SUGCT: variants seen among roughly 807,000 people sequenced by gnomAD.
SUGCT encodes the protein succinyl-CoA:glutarate CoA-transferase.
A neutral mutation model predicts 55.0 loss-of-function variants in SUGCT; 41 were observed. The observed-to-expected ratio is 0.74, with a 90% CI of 0.58 to 0.97. The LOEUF is 0.97. Among genes scored for constraint, SUGCT ranks in the 50% least tolerant of loss-of-function variants. The probability of loss-of-function intolerance (pLI) is 0.00; values close to 1 mark genes in which losing one functional copy is unlikely to be tolerated. For missense variants in SUGCT, 568 were observed against 547.8 expected (o/e 1.04, Z -0.37); for synonymous variants, 187 against 200.4 (o/e 0.93, Z 0.56).
intron 8 of SUGCT, among the ~76,000 whole-genome samples, chr7:40,303,617 G>A (rs1794670624): frequency 6.6e-6 from 1 of 152,086 alleles, no homozygotes; most frequent in African/African-American, 2.4e-5. Flanking sequence ...CTGAGTAGAT[G>A]GGATTACAGG....
intron 7 of SUGCT, among the ~76,000 whole-genome samples, chr7:40,263,970 G>A (rs1021678272): frequency 6.6e-6 from 1 of 151,982 alleles, no homozygotes; most frequent in Non-Finnish European, 1.5e-5. Context: ...AAAGCTTCAA[G>A]TCTTTCAGGG....
the SUGCT span, among the ~76,000 whole-genome samples, chr7:40,885,866 T>C: frequency 6.6e-6 from 1 of 152,218 alleles, no homozygotes; most frequent in Non-Finnish European, 1.5e-5. Flanking sequence ...GATGAGAATT[T>C]AAGCTAATGT....
intron 12 of SUGCT, among the ~76,000 whole-genome samples, chr7:40,712,967 C>A (rs1406378568): frequency 4.6e-5 from 7 of 152,240 alleles, no homozygotes; most frequent in Non-Finnish European, 1.0e-4. Context: ...TTCTTACATT[C>A]ACATGGTGGA....
At chr7:40,903,614 A>G in the SUGCT span, among the ~76,000 whole-genome samples, 1 of 152,136 alleles carries the variant, frequency 6.6e-6, no homozygotes, top group Admixed American at 6.5e-5. Context: ...CAACAACAAC[A>G]AAAGCTTCAT....
chr7:40,582,404 T>G (rs1277252018), intron 12 of SUGCT, among the ~76,000 whole-genome samples: 1 of 152,166 alleles, frequency 6.6e-6, no homozygotes, highest in African/African-American at 2.4e-5. Context: ...CAGGCAGAAC[T>G]GAAATGAGTC....
At chr7:40,581,347 A>G (rs368476362) in intron 12 of SUGCT, among the ~76,000 whole-genome samples, 1 of 152,216 alleles carries the variant, frequency 6.6e-6, no homozygotes, top group Admixed American at 6.5e-5. Flanking sequence ...CCTAAGTGAC[A>G]TGTAAGCCAG....
At chr7:40,184,482 C>T (rs183312439) in intron 3 of SUGCT, among the ~76,000 whole-genome samples, 1 of 151,910 alleles carries the variant, frequency 6.6e-6, no homozygotes, top group African/African-American at 2.4e-5. Flanking sequence ...TGAGCCACTG[C>T]ACCCGGCCTT....
intron 9 of SUGCT, among the ~76,000 whole-genome samples, chr7:40,371,177 T>C (rs1006673475): frequency 4.6e-5 from 7 of 152,172 alleles, no homozygotes; most frequent in African/African-American, 1.2e-4. Flanking sequence ...TCCCTCACTT[T>C]CTCTCTTTTT....
chr7:40,908,418 A>G, the SUGCT span, among the ~76,000 whole-genome samples: 1 of 151,574 alleles, frequency 6.6e-6, no homozygotes, highest in Non-Finnish European at 1.5e-5. Context: ...AAGTAGATGA[A>G]GTTTACTAGA....
At chr7:40,922,206 C>T in the SUGCT span, among the ~76,000 whole-genome samples, 2 of 152,152 alleles carry the variant, frequency 1.3e-5, no homozygotes, top group Admixed American at 6.6e-5. Flanking sequence ...ACTATGTCTT[C>T]TAGTGACCCC....
At chr7:40,467,457 T>A (rs986156914) in intron 11 of SUGCT, among the ~76,000 whole-genome samples, 5 of 152,130 alleles carry the variant, frequency 3.3e-5, no homozygotes, top group African/African-American at 4.8e-5. Flanking sequence ...CTAGTTATAC[T>A]CTTTTAGTTA....
At chr7:40,192,887 C>T (rs980487911) in intron 5 of SUGCT, among the ~76,000 whole-genome samples, 2 of 151,576 alleles carry the variant, frequency 1.3e-5, no homozygotes, top group African/African-American at 4.8e-5. Context: ...CCTGCCTCAG[C>T]CTCCCAAAGA....
At chr7:40,152,802 G>T (rs1024137642) in intron 1 of SUGCT, 1 of 152,718 alleles carries the variant, frequency 6.5e-6, no homozygotes, top group Admixed American at 6.6e-5. Flanking sequence ...CCTGGTTCAA[G>T]TGATTCTCCT....
At chr7:40,402,710 C>A (rs1786145937) in intron 9 of SUGCT, among the ~76,000 whole-genome samples, 1 of 151,954 alleles carries the variant, frequency 6.6e-6, no homozygotes, top group South Asian at 2.1e-4. Context: ...TTAAATGGTT[C>A]TGGAAATCAA....
At chr7:41,023,220 T>C in the SUGCT span, among the ~76,000 whole-genome samples, 13 of 152,176 alleles carry the variant, frequency 8.5e-5, no homozygotes, top group African/African-American at 2.9e-4. Context: ...CCCATGGAGC[T>C]TTGAGGGACC....
intron 12 of SUGCT, among the ~76,000 whole-genome samples, chr7:40,740,252 C>T (rs1787391410): frequency 6.6e-6 from 1 of 151,976 alleles, no homozygotes; most frequent in South Asian, 2.1e-4. Flanking sequence ...GTACATTGGT[C>T]TTGTATCCTA....
chr7:41,002,077 G>T, the SUGCT span, among the ~76,000 whole-genome samples: 2 of 152,176 alleles, frequency 1.3e-5, no homozygotes, highest in Non-Finnish European at 2.9e-5. Context: ...CTGGAGTGCG[G>T]TGGTATAATC....
chr7:40,262,740 A>G (rs1261789334), intron 7 of SUGCT, among the ~76,000 whole-genome samples: 3 of 152,102 alleles, frequency 2.0e-5, no homozygotes, highest in African/African-American at 2.4e-5. Context: ...AAATTAACTC[A>G]CACATTTAAA....
chr7:40,249,313 C>CTATATGTATATATATATATATATA (rs1554296332), intron 7 of SUGCT, among the ~76,000 whole-genome samples: 1 of 79,520 alleles, frequency 1.3e-5, no homozygotes, highest in South Asian at 4.6e-4. Context: ...CACCAAAAAG[C>CTATATGTATATATATATATATATA]TATATATATA....
Sources: allele counts gnomAD v4.1 joint callset (sites outside exome capture counted in the v4.1 genomes callset), GRCh38; gene constraint gnomAD v4.1.1; transcripts MANE v1.5; gene names NCBI Gene and HGNC (gene_info 2026-07-23, HGNC 2026-07-21).